Variants in NCS1 observed in about 807,000 individuals in gnomAD.
NCS1 encodes the protein frequenin homolog.
In NCS1, 6 loss-of-function variants were observed where a neutral mutation model predicts 28.4. That is an observed-to-expected ratio of 0.21 (90% CI 0.12 to 0.42). The LOEUF (loss-of-function observed/expected upper bound fraction) is 0.42. Ranked by LOEUF, NCS1 falls within the 10% of genes least tolerant of loss-of-function variation. The pLI is 1.00. For synonymous variants in NCS1, 86 were observed against 99.3 expected (o/e 0.87, Z 0.79); for missense variants, 131 against 241.4 (o/e 0.54, Z 3.03).
Position 130,233,864 on chromosome 9 carries a change from A to G in NCS1, c.*892A>G, listed in dbSNP as rs1239836720. ...GAGAGGTGGAAATTCCTAAATGGCT[A>G]ATGCACTGTTCCCTCCAGCCCGAAT... On this transcript the variant is annotated 3_prime_UTR_variant, in exon 8 of 8. Coordinates refer to ENST00000372398, the MANE Select transcript of NCS1 (RefSeq NM_014286.4). The surrounding 1 kb of genome is among the most constrained non-coding windows in gnomAD (Gnocchi z 4.8). The G allele has an allele frequency of 6.6e-6, 1 of 151,726 alleles. No individual in the cohort carries two copies. Among genetic ancestry groups the G allele is most frequent in the Non-Finnish European group, 1.5e-5 (1 of 67,926 alleles). 9.4% of individuals were successfully genotyped at this position (151,726 alleles called of 1,614,324 possible).
rs1554909909 is a variant in NCS1, at chr9:130,219,536, C to A, written c.229-189C>A. On this transcript the variant is annotated intron_variant, in intron 3 of 7. Coordinates refer to ENST00000372398, the MANE Select transcript of NCS1 (RefSeq NM_014286.4). This position sits in a 1 kb window ranked among gnomAD's most constrained non-coding sequence, Gnocchi z 5.7. ...CCCACTTCTAACCCCCCACACAGTC[C>A]CCCAGCCTCTGCTCCCCACCCTCTC... Among the ~76,000 whole-genome samples, 2 of 151,824 alleles carry A rather than the reference C, an allele frequency of 1.3e-5. No homozygotes were observed. The highest frequency in any genetic ancestry group is 2.9e-5 in the Non-Finnish European group (2 of 67,960).
At chr9:130,222,973 A>AGTT in intron 5 of NCS1, 109 bp from the exon 6 acceptor site, 1 of 560,444 alleles carries the variant, frequency 1.8e-6, no homozygotes, top group Non-Finnish European at 2.9e-6. Flanking sequence ...GGGAAAGAAG[A>AGTT]GGGGGGCGGC....
chr9:130,194,925 G>A (rs566923914), intron 1 of NCS1, among the ~76,000 whole-genome samples: 2 of 152,352 alleles, frequency 1.3e-5, no homozygotes, highest in Non-Finnish European at 2.9e-5. Flanking sequence ...TGACAAAGGA[G>A]GAATCAGCAG....
At position 130,233,506 on chromosome 9, in the gene NCS1, G is replaced by T. The variant is rs1284567692; in HGVS notation, c.*534G>T. 1.3e-5 allele frequency: 2 copies of T among 152,538 alleles called. No individual in the cohort carries two copies. The highest frequency in any genetic ancestry group is 2.9e-5 in the Non-Finnish European group (2 of 68,034). The allele number at this position is 152,538 out of a possible 1,614,324, so 9.4% of individuals were successfully genotyped here. ...TTCTGCCTGGTCAACGTTATTTGTC[G>T]TCCCATCTTTTGGCAGCAAAACCAC... On this transcript the variant is annotated 3_prime_UTR_variant, in exon 8 of 8. Transcript: ENST00000372398. The surrounding 1 kb of genome is among the most constrained non-coding windows in gnomAD (Gnocchi z 4.8).
rs550461884 is a variant in NCS1 at position 130,233,260 on chromosome 9, C to T, written c.*288C>T. The T allele has an allele frequency of 5.9e-5, 9 of 152,222 alleles. No homozygotes were observed. The highest frequency in any genetic ancestry group is 2.1e-4 in the South Asian group (1 of 4,824). The allele number at this position is 152,222 out of a possible 1,614,324, so 9.4% of individuals were successfully genotyped here. A position where few individuals can be genotyped will look rare whatever the true frequency, so the allele number is the denominator to read the frequency against. ...GCATAAACCAAGGACTTGGCTGCCT[C>T]GCAGGCAGCCTCCGTTCCTCCCGCT... On this transcript the variant is annotated 3_prime_UTR_variant, in exon 8 of 8. Coordinates refer to ENST00000372398, the MANE Select transcript of NCS1 (RefSeq NM_014286.4). This position sits in a 1 kb window ranked among gnomAD's most constrained non-coding sequence, Gnocchi z 4.8.
chr9:130,188,303 C>T lies in NCS1; in HGVS notation c.65-12655C>T, dbSNP rs557822606. 3.9e-4 allele frequency among the ~76,000 whole-genome samples: 60 copies of T among 152,348 alleles called. No homozygotes were observed. The South Asian group carries it at 0.012, about 29-fold the overall frequency. ...TGGACCTGCAGCCTCTCCTGGAAAG[C>T]TCTGCTTCTTCTTCTTTGCCTGGCT... On this transcript the variant is annotated intron_variant, in intron 1 of 7. Coordinates refer to ENST00000372398, the MANE Select transcript of NCS1 (RefSeq NM_014286.4).
At chr9:130,231,350 TC>T (rs1168881565) in intron 7 of NCS1, among the ~76,000 whole-genome samples, 172 of 34,708 alleles carry the variant, frequency 5.0e-3, no homozygotes, top group Admixed American at 0.019. Flanking sequence ...AGATTTTATC[TC>T]AAAAAAAAAA....
intron 7 of NCS1, among the ~76,000 whole-genome samples, chr9:130,230,474 C>T (rs1554911933): frequency 1.3e-5 from 2 of 151,990 alleles, no homozygotes; most frequent in African/African-American, 2.4e-5. Context: ...TTTGGGAGGC[C>T]GAAGTGGGAG....
intron 7 of NCS1, among the ~76,000 whole-genome samples, chr9:130,229,381 A>G (rs572036879): frequency 3.2e-4 from 48 of 151,872 alleles, no homozygotes; most frequent in Non-Finnish European, 5.6e-4. Flanking sequence ...CAGCCTCCCA[A>G]GTAGCTGGGA....
chr9:130,196,103 A>G (rs1170083526), intron 1 of NCS1, among the ~76,000 whole-genome samples: 2 of 152,056 alleles, frequency 1.3e-5, no homozygotes, highest in African/African-American at 4.8e-5. Flanking sequence ...TGAACCCCCA[A>G]ATTGTCCCCC....
rs1832597228 is a variant in NCS1, at chr9:130,177,903, T to C, written c.64+5176T>C. Among the ~76,000 whole-genome samples the C allele has an allele frequency of 6.6e-6, 1 of 152,200 alleles. No homozygotes were observed. The highest frequency in any genetic ancestry group is 2.4e-5 in the African/African-American group (1 of 41,448). ...TGGCCCCTTCCTTGGGCAAACCTCCTCTCACCGGCTTCACTTTCCGCCTCT... is the reference window on the plus strand; with the variant it reads ...TGGCCCCTTCCTTGGGCAAACCTCCCCTCACCGGCTTCACTTTCCGCCTCT... On this transcript the variant is annotated intron_variant, in intron 1 of 7. Coordinates refer to ENST00000372398, the MANE Select transcript of NCS1 (RefSeq NM_014286.4). The surrounding 1 kb of genome is among the most constrained non-coding windows in gnomAD (Gnocchi z 4.4).
chr9:130,222,496 C>A (rs535017812), intron 4 of NCS1, among the ~76,000 whole-genome samples, 154 bp from the exon 5 acceptor site: 1 of 151,962 alleles, frequency 6.6e-6, no homozygotes, highest in Admixed American at 6.6e-5. Context: ...GTGTGTCTGT[C>A]CCTGTCTATC....
chr9:130,222,823 C>A, intron 5 of NCS1, 85 bp downstream of exon 5: 1 of 1,405,856 alleles, frequency 7.1e-7, no homozygotes, highest in Non-Finnish European at 1.0e-6. Flanking sequence ...ACTTGTGCAG[C>A]CATGCTCCTG....
intron 1 of NCS1, among the ~76,000 whole-genome samples, chr9:130,183,808 TTTTC>T (rs1389173136): frequency 7.3e-5 from 11 of 151,346 alleles, no homozygotes; most frequent in South Asian, 2.1e-4. Flanking sequence ...CCTTCTTTTC[TTTTC>T]TTTCTTTTTT....
chr9:130,228,275 C>T (rs781895701), intron 7 of NCS1, among the ~76,000 whole-genome samples: 4 of 151,914 alleles, frequency 2.6e-5, no homozygotes, highest in South Asian at 2.1e-4. Context: ...CAGACTCAGA[C>T]GAGCCTCCCA....
intron 1 of NCS1, among the ~76,000 whole-genome samples, chr9:130,184,965 C>T (rs1232928655): frequency 6.6e-6 from 1 of 151,758 alleles, no homozygotes; most frequent in Non-Finnish European, 1.5e-5. Context: ...CTCCGAGACT[C>T]CGTCTCAAAA....
Position 130,175,074 on chromosome 9 carries a change from T to C in NCS1, c.64+2347T>C, listed in dbSNP as rs1204297786. On this transcript the variant is annotated intron_variant, in intron 1 of 7. Transcript: ENST00000372398. The surrounding 1 kb of genome is among the most constrained non-coding windows in gnomAD (Gnocchi z 4.9). ...ACTTTTCCTCTGTCGAAGCCCTTAT[T>C]AGGGGTGGGCCGTTGGAGGTGGCGG... Among the ~76,000 whole-genome samples, 1 of 152,104 alleles carries C rather than the reference T, an allele frequency of 6.6e-6. No homozygotes were observed. Among genetic ancestry groups the C allele is most frequent in the Non-Finnish European group, 1.5e-5 (1 of 68,004 alleles).
At chr9:130,231,904 A>C (rs1833506013) in intron 7 of NCS1, among the ~76,000 whole-genome samples, 1 of 148,912 alleles carries the variant, frequency 6.7e-6, no homozygotes, top group South Asian at 2.1e-4. Flanking sequence ...TAGCCATCCT[A>C]GTGGGTGTGA....
chr9:130,209,362 C>T lies in NCS1; in HGVS notation c.89+8380C>T, dbSNP rs565600132. Among the ~76,000 whole-genome samples the T allele has an allele frequency of 3.1e-4, 47 of 152,232 alleles. No individual in the cohort carries two copies. The highest frequency in any genetic ancestry group is 9.6e-4 in the African/African-American group (40 of 41,542). On this transcript the variant is annotated intron_variant, in intron 2 of 7. Transcript: ENST00000372398. This position sits in a 1 kb window ranked among gnomAD's most constrained non-coding sequence, Gnocchi z 4.4. ...AAATTCGGGGGAAGTCCTAGAGGAC[C>T]GGGGCGTTTGGGAGACTGAGGCCTG...
Sources: allele counts gnomAD v4.1 joint callset (sites outside exome capture counted in the v4.1 genomes callset), GRCh38; gene constraint gnomAD v4.1.1; non-coding constraint Gnocchi (gnomAD v3.1); transcripts MANE v1.5; gene names NCBI Gene and HGNC (gene_info 2026-07-23, HGNC 2026-07-21).